The following MCC variants were observed in gnomAD, a reference collection of about 807,000 sequenced individuals.
MCC encodes the protein colorectal mutant cancer protein.
A neutral mutation model predicts 116.2 loss-of-function variants in MCC; 90 were observed. The ratio of observed to expected loss-of-function variants is 0.77; its 90% CI spans 0.65 to 0.92. The LOEUF (loss-of-function observed/expected upper bound fraction) is 0.92. MCC is among the 40% of genes least tolerant of loss of function. MCC has a pLI of 0.00. For missense variants in MCC, 1,516 were observed against 1,312.2 expected (o/e 1.16, Z -2.40); for synonymous variants, 578 against 510.5 (o/e 1.13, Z -1.78).
intron 3 of MCC, among the ~76,000 whole-genome samples, chr5:113,164,900 C>T (rs1561418811): frequency 6.6e-6 from 1 of 152,188 alleles, no homozygotes; most frequent in East Asian, 1.9e-4. Context: ...CCCATGCTTG[C>T]TCTGACAGTG....
At chr5:113,405,956 C>A (rs1350144010) in intron 1 of MCC, among the ~76,000 whole-genome samples, 1 of 152,154 alleles carries the variant, frequency 6.6e-6, no homozygotes, top group Non-Finnish European at 1.5e-5. Flanking sequence ...TTATTTTCCT[C>A]CTGATGATCA....
chr5:113,299,211 C>A (rs1259645032), intron 3 of MCC, among the ~76,000 whole-genome samples: 1 of 145,752 alleles, frequency 6.9e-6, no homozygotes, highest in Admixed American at 7.2e-5. Context: ...TCGCTTGAAC[C>A]TGGGAGGCGG....
chr5:113,161,775 A>G (rs772199849), intron 3 of MCC, among the ~76,000 whole-genome samples: 2 of 152,240 alleles, frequency 1.3e-5, no homozygotes, highest in Non-Finnish European at 2.9e-5. Context: ...TTAAAGTGTA[A>G]GAGTTATCCA....
At chr5:113,378,106 A>C (rs1769029250) in intron 2 of MCC, among the ~76,000 whole-genome samples, 2 of 152,310 alleles carry the variant, frequency 1.3e-5, no homozygotes, top group African/African-American at 4.8e-5. Context: ...TGTAGTTTTA[A>C]CTTTTTTAAA....
At chr5:113,339,360 T>G (rs1381531804) in intron 3 of MCC, among the ~76,000 whole-genome samples, 1 of 152,018 alleles carries the variant, frequency 6.6e-6, no homozygotes, top group Non-Finnish European at 1.5e-5. Flanking sequence ...TAAACTGATG[T>G]TGACACACTA....
intron 18 of MCC, among the ~76,000 whole-genome samples, chr5:113,028,184 T>C (rs538176297): frequency 2.0e-4 from 30 of 152,206 alleles, no homozygotes; most frequent in Non-Finnish European, 2.8e-4. Context: ...CTGTGAGGTC[T>C]TGAGCTTTTA....
chr5:113,239,019 G>GT (rs1370650428), intron 3 of MCC, among the ~76,000 whole-genome samples: 5 of 151,786 alleles, frequency 3.3e-5, no homozygotes, highest in African/African-American at 1.2e-4. Context: ...TCATGCATAT[G>GT]TTTTTTTTCA....
At chr5:113,420,561 C>T (rs780058771) in intron 1 of MCC, among the ~76,000 whole-genome samples, 89 of 152,270 alleles carry the variant, frequency 5.8e-4, no homozygotes, top group Middle Eastern at 3.4e-3. Flanking sequence ...TACAGATTCC[C>T]AAAACTGAAG....
intron 3 of MCC, among the ~76,000 whole-genome samples, chr5:113,209,899 A>G (rs1763056164): frequency 6.6e-6 from 1 of 152,226 alleles, no homozygotes. Context: ...GAAATTACTT[A>G]AATTTATAAA....
intron 3 of MCC, among the ~76,000 whole-genome samples, chr5:113,195,376 T>C (rs1345079): frequency 0.98 from 148,836 of 152,312 alleles, 72,815 homozygotes; most frequent in Middle Eastern, 1. Flanking sequence ...GACCTACAAT[T>C]TGGTCTCAAC....
At chr5:113,125,778 C>G (rs938172581) in intron 5 of MCC, among the ~76,000 whole-genome samples, 1 of 152,116 alleles carries the variant, frequency 6.6e-6, no homozygotes, top group Non-Finnish European at 1.5e-5. Context: ...TAGAGGATGC[C>G]TGGTGAGGCT....
chr5:113,273,641 A>G (rs1466766746), intron 3 of MCC, among the ~76,000 whole-genome samples: 1 of 152,224 alleles, frequency 6.6e-6, no homozygotes, highest in African/African-American at 2.4e-5. Context: ...TAAATGCAAT[A>G]CAACTGTTAG....
intron 8 of MCC, among the ~76,000 whole-genome samples, chr5:113,089,226 A>G (rs1014813293): frequency 6.6e-6 from 1 of 152,182 alleles, no homozygotes; most frequent in African/African-American, 2.4e-5. Flanking sequence ...AAAGTGCAGA[A>G]GAAGAAACCT....
At chr5:113,173,576 T>C (rs954309744) in intron 3 of MCC, among the ~76,000 whole-genome samples, 2 of 152,164 alleles carry the variant, frequency 1.3e-5, no homozygotes, top group Non-Finnish European at 2.9e-5. Context: ...ACTTCTATTC[T>C]CCCCCAATCA....
intron 6 of MCC, among the ~76,000 whole-genome samples, chr5:113,115,765 CTTAT>C (rs1424903544): frequency 1.3e-5 from 2 of 152,116 alleles, no homozygotes; most frequent in Admixed American, 6.5e-5. Flanking sequence ...AATCATTTTA[CTTAT>C]TTGACTATTG....
chr5:113,269,221 G>T (rs528818735), intron 3 of MCC: 41 of 985,172 alleles, frequency 4.2e-5, no homozygotes, highest in South Asian at 1.4e-4. Flanking sequence ...TCAGGGCCCC[G>T]CAATCTCTCT....
intron 2 of MCC, among the ~76,000 whole-genome samples, chr5:113,372,344 T>C (rs1768855372): frequency 6.6e-6 from 1 of 152,180 alleles, no homozygotes; most frequent in Admixed American, 6.5e-5. Flanking sequence ...CTGAACCAGT[T>C]TGTACTACTT....
intron 4 of MCC, among the ~76,000 whole-genome samples, chr5:113,148,175 C>A (rs1016539810): frequency 6.6e-6 from 1 of 152,238 alleles, no homozygotes; most frequent in Non-Finnish European, 1.5e-5. Flanking sequence ...AGGCTCAGTT[C>A]CCACTGGGCT....
chr5:113,355,889 G>A (rs1221632223), intron 2 of MCC, among the ~76,000 whole-genome samples: 1 of 152,038 alleles, frequency 6.6e-6, no homozygotes, highest in Admixed American at 6.6e-5. Context: ...CAGCCACTAA[G>A]CAGTTTCTCT....
Sources: allele counts gnomAD v4.1 joint callset (sites outside exome capture counted in the v4.1 genomes callset), GRCh38; gene constraint gnomAD v4.1.1; transcripts MANE v1.5; gene names NCBI Gene and HGNC (gene_info 2026-07-23, HGNC 2026-07-21).